DHX30: variants seen among roughly 807,000 people sequenced by gnomAD.
The protein encoded by DHX30 is DExH-box helicase 30, also known as ATP-dependent RNA helicase DHX30.
DHX30 carries 4 observed loss-of-function variants against 116.9 expected under a neutral mutation model. The ratio of observed to expected loss-of-function variants is 0.03; its 90% CI spans 0.02 to 0.08. DHX30 has a LOEUF of 0.08. DHX30 is among the 10% of genes least tolerant of loss of function. The pLI is 1.00. For missense variants in DHX30, 871 were observed against 1,595.1 expected, an observed-to-expected ratio of 0.55 and a Z score of 7.73; for synonymous variants, 697 against 651.7, an observed-to-expected ratio of 1.07 and a Z score of -1.06.
At position 47,850,105 on chromosome 3, in the gene DHX30, G is replaced by T; in HGVS notation, c.3570G>T (p.Lys1190Asn). 1 of 1,590,540 alleles carries T rather than the reference G, an allele frequency of 6.3e-7. No individual in the cohort carries two copies. The highest frequency in any genetic ancestry group is 1.1e-5 in the South Asian group (1 of 89,056). The change falls in exon 22 of 22, where the codon AAG (lysine) becomes AAT (asparagine). Residue 1190 changes from lysine (K) to asparagine (N), a missense_variant. Transcript: ENST00000445061. ...CCTGTGGCAGCTTTGATGTGCGCAAGACAGCTGACGACTGAGCCCTGCTTC... is the reference window on the plus strand; with the variant it reads ...CCTGTGGCAGCTTTGATGTGCGCAATACAGCTGACGACTGAGCCCTGCTTC... Reference protein sequence around the residue: ...RGPCGSFDVRKTADD With the variant: ...RGPCGSFDVRNTADD
intron 8 of DHX30, chr3:47,842,372 T>G (rs1225804042): frequency 6.5e-6 from 1 of 152,712 alleles, no homozygotes; most frequent in African/African-American, 2.4e-5. Flanking sequence ...GATAACAACA[T>G]AAAACCTTGA....
intron 5 of DHX30, 62 bp downstream of exon 5, chr3:47,827,539 T>C: frequency 6.4e-7 from 1 of 1,564,720 alleles, no homozygotes; most frequent in Non-Finnish European, 8.6e-7. Context: ...TGTTTGTCCT[T>C]TCTGTCTTAG....
intron 1 of DHX30, among the ~76,000 whole-genome samples, chr3:47,803,548 C>CAG (rs34338515): frequency 0.74 from 112,342 of 151,962 alleles, 42,107 homozygotes; most frequent in African/African-American, 0.86. Flanking sequence ...GCCTTCGCCT[C>CAG]GGGATGCGCC....
intron 6 of DHX30, among the ~76,000 whole-genome samples, chr3:47,839,106 G>A (rs1360266177): frequency 6.6e-6 from 1 of 151,964 alleles, no homozygotes; most frequent in Non-Finnish European, 1.5e-5. Context: ...ATGATGCTTA[G>A]GTGGCCAACA....
At chr3:47,849,375 T>G in intron 19 of DHX30, 26 bp downstream of exon 19, 1 of 1,598,986 alleles carries the variant, frequency 6.3e-7, no homozygotes, top group Non-Finnish European at 8.5e-7. Flanking sequence ...GGGAATGGAG[T>G]TCACCAGGTC....
chr3:47,825,164 C>A, intron 4 of DHX30: 1 of 669,046 alleles, frequency 1.5e-6, no homozygotes. Flanking sequence ...TGCGCCCACC[C>A]CGACCACACC....
rs1559725690 is a variant in DHX30 at position 47,849,052 on chromosome 3, T to C, written c.2902T>C (p.Tyr968His). ...RENYLEENLL[Y>H]APSLRFIHGL... ...GAATTACCTGGAGGAAAACCTGCTG[T>C]ACGCACCCAGCCTGCGCTTCATCCA... The change falls in exon 18 of 22, where the codon TAC becomes CAC. Residue 968 changes from tyrosine to histidine, a missense_variant. This residue lies in a region of DHX30 where 238 missense variants were observed against 481.0 expected (regional missense o/e 0.49). Coordinates refer to ENST00000445061, the MANE Select transcript of DHX30 (RefSeq NM_138615.3). 6.2e-7 allele frequency: 1 copy of C among 1,612,394 alleles called. No individual in the cohort carries two copies. The highest frequency in any genetic ancestry group is 8.5e-7 in the Non-Finnish European group (1 of 1,179,030).
At chr3:47,824,857 G>C (rs915599615) in intron 4 of DHX30, 1 of 456,360 alleles carries the variant, frequency 2.2e-6, no homozygotes, top group Admixed American at 4.5e-5. Context: ...CCTGGGCAGC[G>C]CCGAGCCCGC....
chr3:47,828,282 A>T (rs1230158223), intron 5 of DHX30, among the ~76,000 whole-genome samples: 1 of 151,402 alleles, frequency 6.6e-6, no homozygotes, highest in African/African-American at 2.4e-5. Context: ...CAACATAGTG[A>T]GACCCCATTT....
At chr3:47,804,445 C>A (rs997532016) in intron 1 of DHX30, among the ~76,000 whole-genome samples, 4 of 152,154 alleles carry the variant, frequency 2.6e-5, no homozygotes, top group African/African-American at 9.7e-5. Flanking sequence ...ACCCTAGCTA[C>A]TTGGGAGGCT....
At chr3:47,842,102 T>C (rs1234659147) in intron 8 of DHX30, 1 of 199,744 alleles carries the variant, frequency 5.0e-6, no homozygotes, top group Non-Finnish European at 1.0e-5. Context: ...CTTTAACTCG[T>C]TGCTTTGAAT....
chr3:47,819,053 A>AG (rs2036179446), intron 4 of DHX30, among the ~76,000 whole-genome samples: 1 of 152,182 alleles, frequency 6.6e-6, no homozygotes, highest in Non-Finnish European at 1.5e-5. Flanking sequence ...GCTGCGTCCC[A>AG]GGCAGTTTTC....
Position 47,849,942 on chromosome 3 carries a change from G to T in DHX30, c.3407G>T (p.Arg1136Leu). 6.2e-7 allele frequency: 1 copy of T among 1,613,200 alleles called. No individual in the cohort carries two copies. Among genetic ancestry groups the T allele is most frequent in the Non-Finnish European group, 8.5e-7 (1 of 1,179,826 alleles). The change falls in exon 22 of 22, where the codon CGG (arginine) becomes CTG (leucine). Residue 1136 changes from arginine (R) to leucine (L), a missense_variant. Arg to Leu is a moderately radical substitution (Grantham distance 102). Coordinates refer to ENST00000445061, the MANE Select transcript of DHX30 (RefSeq NM_138615.3). ...LRLEGDSRTV[R>L]LLKELRRALG... ...CTGGAGGGTGACTCGCGTACCGTGCGGCTGCTGAAGGAGCTGCGGCGGGCC... is the reference window on the plus strand; with the variant it reads ...CTGGAGGGTGACTCGCGTACCGTGCTGCTGCTGAAGGAGCTGCGGCGGGCC...
Position 47,843,091 on chromosome 3 carries a change from T to C in DHX30, c.790-15T>C. The stretch of plus-strand genomic sequence containing the variant: ...CCCTACATTTCTGTAACCATCTCTC[T>C]TGCCTTCCATGTAGAACCTCATGCA... On this transcript the variant is annotated splice_polypyrimidine_tract_variant and intron_variant, in intron 8 of 21. Transcript: ENST00000445061. 2.5e-6 allele frequency: 4 copies of C among 1,613,746 alleles called. No individual in the cohort carries two copies. Among genetic ancestry groups the C allele is most frequent in the Non-Finnish European group, 3.4e-6 (4 of 1,179,714 alleles).
rs772383144 is a variant in DHX30, at chr3:47,850,076, G to C, written c.3541G>C (p.Gly1181Arg). The change falls in exon 22 of 22, where the codon GGA becomes CGA. Residue 1181 changes from glycine (G) to arginine (R), a missense_variant. By Grantham distance (125) the Gly-to-Arg change is moderately radical (BLOSUM62 -2). This residue lies in a region of DHX30 where 52 missense variants were observed against 50.1 expected (regional missense o/e 1.04). Transcript: ENST00000445061. ...TGCGCTACTGGCAGAGCTGCTGCGAGGACCCTGTGGCAGCTTTGATGTGCG... is the reference window on the plus strand; with the variant it reads ...TGCGCTACTGGCAGAGCTGCTGCGACGACCCTGTGGCAGCTTTGATGTGCG... The part of the protein sequence containing the change: ...LLALLAELLR[G>R]PCGSFDVRKT... 1.9e-6 allele frequency: 3 copies of C among 1,596,996 alleles called. No homozygotes were observed. The highest frequency in any genetic ancestry group is 2.6e-6 in the Non-Finnish European group (3 of 1,173,892).
At chr3:47,841,359 T>A (rs1055518180) in intron 7 of DHX30, among the ~76,000 whole-genome samples, 181 bp downstream of exon 7, 3 of 152,260 alleles carry the variant, frequency 2.0e-5, no homozygotes, top group Admixed American at 1.3e-4. Flanking sequence ...TGGTCTTCTA[T>A]GTGGCTGGGC....
intron 4 of DHX30, chr3:47,824,737 T>C (rs2036464232): frequency 3.1e-6 from 1 of 324,100 alleles, no homozygotes; most frequent in African/African-American, 2.2e-5. Flanking sequence ...GACATTGAGC[T>C]AAGGCCTAGC....
intron 6 of DHX30, among the ~76,000 whole-genome samples, 188 bp downstream of exon 6, chr3:47,829,322 T>A (rs1179994608): frequency 1.6e-5 from 2 of 122,548 alleles, no homozygotes; most frequent in Non-Finnish European, 3.5e-5. Context: ...ATATTTTTTT[T>A]TTTTTTTTCC....
At chr3:47,831,948 T>TTA (rs1553702866) in intron 6 of DHX30, among the ~76,000 whole-genome samples, 1 of 150,434 alleles carries the variant, frequency 6.6e-6, no homozygotes, top group African/African-American at 2.4e-5. Flanking sequence ...TTTTTTTTTT[T>TTA]ATTCCTCTCT....
Sources: allele counts gnomAD v4.1 joint callset (sites outside exome capture counted in the v4.1 genomes callset), GRCh38; gene constraint gnomAD v4.1.1; regional missense constraint gnomAD v4.1.1; transcripts MANE v1.5; gene names NCBI Gene and HGNC (gene_info 2026-07-23, HGNC 2026-07-21).